The following CHD8 variants were observed in gnomAD, a reference collection of about 807,000 sequenced individuals.
The protein encoded by CHD8 is chromodomain helicase DNA binding protein 8, also known as ATP-dependent chromatin remodeler CHD8.
In CHD8, 31 loss-of-function variants were observed where a neutral mutation model predicts 279.2. The observed-to-expected ratio is 0.11, with a 90% confidence interval of 0.08 to 0.15. The LOEUF (loss-of-function observed/expected upper bound fraction) is 0.15, where lower values mean the gene tolerates loss of function less well. Among genes scored for constraint, CHD8 ranks in the 10% least tolerant of loss-of-function variants. The probability of loss-of-function intolerance (pLI) is 1.00; values close to 1 mark genes in which losing one functional copy is unlikely to be tolerated. For synonymous variants in CHD8, 1,081 were observed against 1,139.6 expected (o/e 0.95, Z 1.04); for missense variants, 2,146 against 3,230.5 (o/e 0.66, Z 8.14).
rs1457559117 is a variant in CHD8 at position 21,456,071 on chromosome 14, A to G, written c.-255T>C. 1 of 151,780 alleles carries G rather than the reference A, an allele frequency of 6.6e-6. No homozygotes were observed. The highest frequency in any genetic ancestry group is 6.6e-5 in the Admixed American group (1 of 15,226). 9.4% of individuals were successfully genotyped at this position (151,780 alleles called of 1,614,324 possible). On this transcript the variant is annotated 5_prime_UTR_variant, in exon 1 of 38. Coordinates refer to ENST00000646647, the MANE Select transcript of CHD8 (RefSeq NM_001170629.2). Reference sequence around the variant, plus strand: ...GTACTTCCTTTCCAGGCAGCGTTTCAACTCACCCTCTCCGAGAACAAGGCG... The same window carrying G: ...GTACTTCCTTTCCAGGCAGCGTTTCGACTCACCCTCTCCGAGAACAAGGCG...
At chr14:21,444,223 C>G (rs1314668684) in intron 1 of CHD8, among the ~76,000 whole-genome samples, 2 of 152,160 alleles carry the variant, frequency 1.3e-5, no homozygotes, top group African/African-American at 4.8e-5. Flanking sequence ...GACACATAAC[C>G]ACTAAGTCCT....
chr14:21,414,074 G>A (rs1326958239), intron 9 of CHD8: 9 of 457,966 alleles, frequency 2.0e-5, no homozygotes, highest in Non-Finnish European at 3.1e-5. Context: ...CATGTGCATT[G>A]AGGAAATCAG....
At chr14:21,442,139 G>A (rs991604288) in intron 1 of CHD8, among the ~76,000 whole-genome samples, 1 of 152,202 alleles carries the variant, frequency 6.6e-6, no homozygotes, top group African/African-American at 2.4e-5. Flanking sequence ...TTGAGCCCAG[G>A]AGTTTGAGAT....
chr14:21,440,834 T>C (rs1274573565), intron 1 of CHD8, among the ~76,000 whole-genome samples: 2 of 152,094 alleles, frequency 1.3e-5, no homozygotes, highest in Admixed American at 1.3e-4. Flanking sequence ...TACATTTTGG[T>C]TAGCTAACTC....
intron 1 of CHD8, among the ~76,000 whole-genome samples, chr14:21,455,656 A>C (rs1035331513): frequency 6.6e-6 from 1 of 152,252 alleles, no homozygotes; most frequent in African/African-American, 2.4e-5. Context: ...TTCTGAATCC[A>C]AAGTATGGAG....
chr14:21,390,883 T>C lies in CHD8; in HGVS notation c.7182+64A>G, dbSNP rs1887503163. On this transcript the variant is annotated intron_variant, in intron 37 of 37. Transcript: ENST00000646647. Reference sequence around the variant, plus strand: ...TAAATAACATTAGTCACAATCATCATTGAAAGACTTGTAATCTCACATCTA... The same window carrying C: ...TAAATAACATTAGTCACAATCATCACTGAAAGACTTGTAATCTCACATCTA... The C allele has an allele frequency of 1.4e-5, 11 of 803,034 alleles. 1 individual carries two copies. In the Middle Eastern group the frequency reaches 9.0e-4, roughly 65 times the overall value. 49.7% of individuals were successfully genotyped at this position (803,034 alleles called of 1,614,324 possible). A position where few individuals can be genotyped will look rare whatever the true frequency, so the allele number is the denominator to read the frequency against.
intron 37 of CHD8, 151 bp from the exon 38 acceptor site, chr14:21,386,327 G>A (rs1403093526): frequency 3.3e-5 from 22 of 671,182 alleles, no homozygotes; most frequent in Non-Finnish European, 5.4e-5. Context: ...CTTGATTGGT[G>A]GTAATGGGAA....
In CHD8 at chr14:21,428,222, G is replaced by C. The variant is rs749531178; in HGVS notation, c.1248C>G (p.Leu416=). 7.4e-6 allele frequency: 12 copies of C among 1,613,958 alleles called. No individual in the cohort carries two copies. The South Asian group carries it at 1.3e-4, about 18-fold the overall frequency. Residue 416 remains leucine (L), a synonymous_variant, in exon 4 of 38, where the codon CTC becomes CTG. Transcript: ENST00000646647. ...AGSSQGASSG[L]SVVKVLSASE... ...TGGCACTCAGAACTTTAACTACAGA[G>C]AGCCCAGAAGAGGCCCCTTGGGAAG...
At chr14:21,436,141 T>C (rs1889771874) in intron 1 of CHD8, among the ~76,000 whole-genome samples, 1 of 152,232 alleles carries the variant, frequency 6.6e-6, no homozygotes, top group Admixed American at 6.5e-5. Context: ...GTACCACTCA[T>C]GACCACTTAA....
In CHD8 at chr14:21,399,478, C is replaced by G; in HGVS notation, c.4921+124G>C. On this transcript the variant is annotated intron_variant, in intron 26 of 37. Transcript: ENST00000646647. Reference sequence around the variant, plus strand: ...CTCTGGATATTTAAGAACTACTTTCCTACTCAAATTTATTGAAGATCAATC... The same window carrying G: ...CTCTGGATATTTAAGAACTACTTTCGTACTCAAATTTATTGAAGATCAATC... 1.9e-5 allele frequency: 13 copies of G among 697,594 alleles called. No homozygotes were observed. The South Asian group carries it at 2.1e-4, about 11-fold the overall frequency. The allele number at this position is 697,594 out of a possible 1,614,324, so 43.2% of individuals were successfully genotyped here.
rs947589926 is a variant in CHD8, at chr14:21,392,864, A to G, written c.6469-55T>C. 3.2e-6 allele frequency: 5 copies of G among 1,542,666 alleles called. No homozygotes were observed. The South Asian group carries it at 4.7e-5, about 15-fold the overall frequency. ...TAAGAGTCTGAGTACTAGCTGTGTG[A>G]TCCTGTGATACTCAATAGTGCCATC... On this transcript the variant is annotated intron_variant, in intron 33 of 37. Coordinates refer to ENST00000646647, the MANE Select transcript of CHD8 (RefSeq NM_001170629.2).
At chr14:21,421,769 A>G (rs1009297276) in intron 5 of CHD8, among the ~76,000 whole-genome samples, 5 of 152,164 alleles carry the variant, frequency 3.3e-5, no homozygotes, top group Non-Finnish European at 7.3e-5. Flanking sequence ...CCAGTACCTC[A>G]GAATGTGAGT....
At chr14:21,433,605 G>A (rs1370085872) in intron 1 of CHD8, among the ~76,000 whole-genome samples, 3 of 152,088 alleles carry the variant, frequency 2.0e-5, no homozygotes, top group African/African-American at 7.2e-5. Flanking sequence ...AATATAATAT[G>A]GGTTAATATA....
Position 21,385,771 on chromosome 14 carries a change from G to A in CHD8, c.7588C>T (p.Arg2530Trp), listed in dbSNP as rs1410846258. The part of the protein sequence containing the change: ...PVTTASGTTL[R>W]LPPLQPEEDD... The stretch of plus-strand genomic sequence containing the variant: ...TCCTCAGGTTGCAGTGGTGGCAACC[G>A]CAAGGTAGTACCAGAGGCGGTAGTC... The change falls in exon 38 of 38, where the codon CGG (arginine) becomes TGG (tryptophan). Residue 2530 changes from arginine (R) to tryptophan (W), a missense_variant. By Grantham distance (101) the Arg-to-Trp change is moderately radical (BLOSUM62 -3). Around this residue, in one of 26 missense-constraint regions of CHD8, gnomAD observed 336 missense variants for 392.9 expected, o/e 0.86. Coordinates refer to ENST00000646647, the MANE Select transcript of CHD8 (RefSeq NM_001170629.2). The A allele has an allele frequency of 3.2e-6, 5 of 1,550,632 alleles. No homozygotes were observed. The highest frequency in any genetic ancestry group is 4.4e-6 in the Non-Finnish European group (5 of 1,146,804).
chr14:21,417,459 T>C (rs1024014643), intron 5 of CHD8, among the ~76,000 whole-genome samples: 2 of 152,112 alleles, frequency 1.3e-5, no homozygotes, highest in East Asian at 1.9e-4. Flanking sequence ...CTCACACCTG[T>C]AATCGTAGCA....
chr14:21,429,737 G>A (rs1364491838), intron 2 of CHD8: 2 of 305,800 alleles, frequency 6.5e-6, no homozygotes, highest in Non-Finnish European at 1.3e-5. Context: ...AGAACTCCTA[G>A]GCTCAAGTGA....
In CHD8 at chr14:21,405,309, G is replaced by A. The variant is rs995497527; in HGVS notation, c.3207C>T (p.Phe1069=). ...KYYRAILEKN[F]SFLSKGAGHT... Reference sequence around the variant, plus strand: ...GACCTGCCCCTTTGGAAAGGAAGGAGAAATTCTTCTCCAAAATAGCCCGAT... The same window carrying A: ...GACCTGCCCCTTTGGAAAGGAAGGAAAAATTCTTCTCCAAAATAGCCCGAT... The change falls in exon 16 of 38, where the codon TTC becomes TTT. Residue 1069 remains phenylalanine (F), a synonymous_variant. Transcript: ENST00000646647. This position sits in a 1 kb window ranked among gnomAD's most constrained non-coding sequence, Gnocchi z 4.2. 1.2e-6 allele frequency: 2 copies of A among 1,611,298 alleles called. No individual in the cohort carries two copies. The highest frequency in any genetic ancestry group is 2.7e-5 in the African/African-American group (2 of 74,928).
intron 37 of CHD8, among the ~76,000 whole-genome samples, chr14:21,389,682 T>C (rs897748597): frequency 4.6e-5 from 7 of 152,304 alleles, no homozygotes; most frequent in African/African-American, 1.7e-4. Context: ...AGAGAAACTT[T>C]TGCAGTTGAA....
chr14:21,413,040 G>C, intron 9 of CHD8, 44 bp from the exon 10 acceptor site: 1 of 1,208,074 alleles, frequency 8.3e-7, no homozygotes, highest in Non-Finnish European at 1.2e-6. Flanking sequence ...AAAGATCACT[G>C]TCCAGTAAAC....
Sources: allele counts gnomAD v4.1 joint callset (sites outside exome capture counted in the v4.1 genomes callset), GRCh38; gene constraint gnomAD v4.1.1; regional missense constraint gnomAD v4.1.1; non-coding constraint Gnocchi (gnomAD v3.1); transcripts MANE v1.5; gene names NCBI Gene and HGNC (gene_info 2026-07-23, HGNC 2026-07-21).